Variants in REM1 observed in about 807,000 individuals in gnomAD.
REM1 encodes the protein GTP-binding protein REM 1.
Under a neutral mutation model 27.0 loss-of-function variants are expected in REM1, and 20 were observed. That is an observed-to-expected ratio of 0.74 (90% CI 0.52 to 1.08). The LOEUF is 1.08. Ranked by LOEUF, REM1 falls within the 50% of genes least tolerant of loss-of-function variation. The pLI, the probability that REM1 is intolerant of heterozygous loss-of-function variation, is 0.00. For synonymous variants in REM1, 159 were observed against 167.9 expected (o/e 0.95, Z 0.41); for missense variants, 405 against 407.0 (o/e 1.00, Z 0.04).
intron 4 of REM1, among the ~76,000 whole-genome samples, chr20:31,483,905 A>C (rs1198353649): frequency 6.6e-6 from 1 of 152,126 alleles, no homozygotes; most frequent in Non-Finnish European, 1.5e-5. Flanking sequence ...CATTTAAACA[A>C]GCTCCTCCAG....
intron 1 of REM1, 141 bp from the exon 2 acceptor site, chr20:31,476,086 G>T (rs892393781): frequency 4.0e-6 from 1 of 247,160 alleles, no homozygotes; most frequent in Non-Finnish European, 7.8e-6. Flanking sequence ...GTGCATGTGA[G>T]GACATCCCAC....
At chr20:31,479,511 C>T (rs752841) in intron 3 of REM1, among the ~76,000 whole-genome samples, 36,572 of 152,072 alleles carry the variant, frequency 0.24, 6,834 homozygotes, top group African/African-American at 0.52. Flanking sequence ...CCACACCCAG[C>T]TTGCTTTCGC....
At position 31,475,694 on chromosome 20, in the gene REM1, C is replaced by G. The variant is rs1163992143; in HGVS notation, c.-220+328C>G. On this transcript the variant is annotated intron_variant, in intron 1 of 4. Transcript: ENST00000201979. The surrounding 1 kb of genome is among the most constrained non-coding windows in gnomAD (Gnocchi z 5.0). ...TCCTGTCACCTAACCTGGGGCCTGACCGGCGGCAGCTCCCGTCCCCAAAAG... is the reference window on the plus strand; with the variant it reads ...TCCTGTCACCTAACCTGGGGCCTGAGCGGCGGCAGCTCCCGTCCCCAAAAG... Among the ~76,000 whole-genome samples, 1 of 152,194 alleles carries G rather than the reference C, an allele frequency of 6.6e-6. No individual in the cohort carries two copies. Among genetic ancestry groups the G allele is most frequent in the Non-Finnish European group, 1.5e-5 (1 of 68,034 alleles).
At chr20:31,480,234 G>C (rs373838248) in intron 3 of REM1, among the ~76,000 whole-genome samples, 23 of 138,178 alleles carry the variant, frequency 1.7e-4, no homozygotes, top group African/African-American at 5.8e-4. Context: ...TAGATAGACA[G>C]ATACATACAT....
chr20:31,476,894 C>T (rs1399445208), intron 2 of REM1, 109 bp downstream of exon 2: 1 of 891,888 alleles, frequency 1.1e-6, no homozygotes, highest in South Asian at 1.8e-5. Context: ...CTGTTCAACT[C>T]TAAGGGGCAT....
intron 3 of REM1, among the ~76,000 whole-genome samples, chr20:31,480,224 TAGATAGAC>T (rs1366083088): frequency 1.7e-5 from 2 of 118,990 alleles, no homozygotes; most frequent in Admixed American, 8.4e-5. Context: ...GATAGATAGA[TAGATAGAC>T]AGATACATAC....
At position 31,482,458 on chromosome 20, in the gene REM1, T is replaced by C. The variant is rs772760772; in HGVS notation, c.595T>C (p.Leu199=). The C allele has an allele frequency of 1.4e-5, 23 of 1,614,076 alleles. No individual in the cohort carries two copies. The highest frequency in any genetic ancestry group is 1.6e-4 in the Middle Eastern group (1 of 6,084). The part of the protein sequence containing the change: ...PIILVGNKAD[L]ARCREVSVEE... Reference sequence around the variant, plus strand: ...CATCCTCGTGGGCAACAAGGCAGACTTGGCCCGCTGCCGAGAAGTCTCTGT... The same window carrying C: ...CATCCTCGTGGGCAACAAGGCAGACCTGGCCCGCTGCCGAGAAGTCTCTGT... Residue 199 remains leucine, a synonymous_variant, in exon 4 of 5, where the codon TTG becomes CTG. Transcript: ENST00000201979.
chr20:31,482,580 C>G (rs1419960398), intron 4 of REM1, 92 bp downstream of exon 4: 7 of 1,270,270 alleles, frequency 5.5e-6, no homozygotes, highest in Non-Finnish European at 7.7e-6. Flanking sequence ...CTGTCCCTGC[C>G]AAGCTGCCCC....
rs756828095 is a variant in REM1, at chr20:31,484,256, C to A, written c.723C>A (p.Arg241=). The A allele has an allele frequency of 6.9e-6, 11 of 1,602,782 alleles. No individual in the cohort carries two copies. Among genetic ancestry groups the A allele is most frequent in the Non-Finnish European group, 8.5e-6 (10 of 1,175,920 alleles). ...CCGAGCTCTTCGAGGGCGTGGTGCGCCAACTGCGCTTGCGCCGCCGGGACA... is the reference window on the plus strand; with the variant it reads ...CCGAGCTCTTCGAGGGCGTGGTGCGACAACTGCGCTTGCGCCGCCGGGACA... ...NVAELFEGVV[R]QLRLRRRDSA... The change falls in exon 5 of 5, where the codon CGC becomes CGA. Residue 241 remains arginine (R), a synonymous_variant. Transcript: ENST00000201979.
At position 31,484,653 on chromosome 20, in the gene REM1, A is replaced by G. The variant is rs1424192487; in HGVS notation, c.*223A>G. 7.2e-6 allele frequency: 4 copies of G among 552,040 alleles called. No homozygotes were observed. Among genetic ancestry groups the G allele is most frequent in the Non-Finnish European group, 1.2e-5 (4 of 339,242 alleles). The allele number at this position is 552,040 out of a possible 1,614,324, so 34.2% of individuals were successfully genotyped here. A position where few individuals can be genotyped will look rare whatever the true frequency, so the allele number is the denominator to read the frequency against. On this transcript the variant is annotated 3_prime_UTR_variant, in exon 5 of 5. Coordinates refer to ENST00000201979, the MANE Select transcript of REM1 (RefSeq NM_014012.6). ...CGAAGCCCCAAGCTGGGCACAAAGT[A>G]GTTTTTTACGTGGTGGGTGTCTTTT...
At chr20:31,483,645 C>A (rs552246356) in intron 4 of REM1, among the ~76,000 whole-genome samples, 27 of 151,954 alleles carry the variant, frequency 1.8e-4, no homozygotes, top group African/African-American at 6.5e-4. Flanking sequence ...AGAGTAAAAT[C>A]TAAAAAAATG....
chr20:31,477,695 A>G, intron 2 of REM1, 133 bp from the exon 3 acceptor site: 1 of 646,748 alleles, frequency 1.5e-6, no homozygotes, highest in African/African-American at 1.8e-5. Context: ...AGAGACAGGC[A>G]TCAAACAAGT....
At chr20:31,476,848 C>A in intron 2 of REM1, 63 bp downstream of exon 2, 1 of 1,349,792 alleles carries the variant, frequency 7.4e-7, no homozygotes, top group South Asian at 1.4e-5. Context: ...TCACCAGGGA[C>A]ACAGGGCTGC....
At chr20:31,477,232 G>T (rs767059958) in intron 2 of REM1, among the ~76,000 whole-genome samples, 1 of 152,048 alleles carries the variant, frequency 6.6e-6, no homozygotes, top group Admixed American at 6.6e-5. Flanking sequence ...GGGAGACTCC[G>T]AGACCCCAAG....
intron 2 of REM1, 74 bp from the exon 3 acceptor site, chr20:31,477,754 T>TG (rs900251176): frequency 1.9e-5 from 21 of 1,105,290 alleles, no homozygotes; most frequent in Admixed American, 7.7e-5. Flanking sequence ...TGACCAGAAA[T>TG]GGGGGGCAGG....
In REM1 at chr20:31,475,978, G is replaced by A. The variant is rs556315261; in HGVS notation, c.-219-249G>A. Reference sequence around the variant, plus strand: ...CAACCCAGAAGCTGTGAAAGAGAGCGGTGGGGAAGGGGAGGAGGGGGACAA... The same window carrying A: ...CAACCCAGAAGCTGTGAAAGAGAGCAGTGGGGAAGGGGAGGAGGGGGACAA... On this transcript the variant is annotated intron_variant, in intron 1 of 4. Transcript: ENST00000201979. The surrounding 1 kb of genome is among the most constrained non-coding windows in gnomAD (Gnocchi z 5.0). 1.3e-4 allele frequency among the ~76,000 whole-genome samples: 20 copies of A among 152,214 alleles called. No homozygotes were observed. The highest frequency in any genetic ancestry group is 2.8e-4 in the Non-Finnish European group (19 of 68,036).
intron 3 of REM1, 125 bp from the exon 4 acceptor site, chr20:31,482,162 C>T (rs1331094925): frequency 1.3e-6 from 1 of 743,552 alleles, no homozygotes; most frequent in Non-Finnish European, 2.2e-6. Flanking sequence ...CAGAAGTTGT[C>T]CCCCACACCT....
rs781287499 is a variant in REM1 at position 31,482,404 on chromosome 20, C to T, written c.541C>T (p.Arg181Cys). The T allele has an allele frequency of 2.9e-5, 47 of 1,614,022 alleles. No individual in the cohort carries two copies. The highest frequency in any genetic ancestry group is 3.6e-5 in the Non-Finnish European group (42 of 1,180,014). ...SASELRIQLR[R>C]THQADHVPII... is the part of the protein sequence containing the mutation. ...CTCTGAGCTCCGCATCCAGCTGCGG[C>T]GCACACATCAGGCAGACCATGTGCC... The change falls in exon 4 of 5, where the codon CGC (arginine) becomes TGC (cysteine). Residue 181 changes from arginine to cysteine, a missense_variant. Arg to Cys is a radical substitution (Grantham distance 180). Transcript: ENST00000201979.
rs756558208 is a variant in REM1, at chr20:31,482,367, C to G, written c.504C>G (p.Ser168Arg). The change falls in exon 4 of 5, where the codon AGC becomes AGG. Residue 168 changes from serine (S) to arginine (R), a missense_variant. Transcript: ENST00000201979. ...TATACTCCATCGCAGACCGAGGCAG[C>G]TTTGAGAGTGCCTCTGAGCTCCGCA... ...VIVYSIADRGSFESASELRIQ... is the reference protein window; with the variant it reads ...VIVYSIADRGRFESASELRIQ... 8.1e-6 allele frequency: 13 copies of G among 1,614,162 alleles called. No homozygotes were observed. The highest frequency in any genetic ancestry group is 1.1e-5 in the Non-Finnish European group (13 of 1,180,016).
Sources: gnomAD v4.1 joint callset for allele counts (sites outside exome capture counted in the v4.1 genomes callset) on GRCh38, gnomAD v4.1.1 for gene constraint, Gnocchi (gnomAD v3.1) non-coding constraint, MANE v1.5 for transcripts, NCBI Gene and HGNC (gene_info 2026-07-23, HGNC 2026-07-21) for gene names.